NHSL1: variants seen among roughly 807,000 people sequenced by gnomAD.
NHSL1 encodes NHS like 1.
In NHSL1, 48 loss-of-function variants were observed where a neutral mutation model predicts 95.0. The observed-to-expected ratio is 0.51, with a 90% CI of 0.40 to 0.64. The LOEUF (loss-of-function observed/expected upper bound fraction) is 0.64, where lower values mean the gene tolerates loss of function less well. Ranked by LOEUF, NHSL1 falls within the 30% of genes least tolerant of loss-of-function variation. The pLI is 0.00. For missense variants in NHSL1, 1,971 were observed against 2,077.7 expected, an observed-to-expected ratio of 0.95 and a Z score of 1.00; for synonymous variants, 783 against 833.9, an observed-to-expected ratio of 0.94 and a Z score of 1.05.
intron 2 of NHSL1, among the ~76,000 whole-genome samples, chr6:138,490,177 G>C (rs1202246575): frequency 2.0e-5 from 3 of 151,964 alleles, no homozygotes; most frequent in African/African-American, 7.3e-5. Flanking sequence ...CAGAAAAAAA[G>C]ATGAAGAATT....
intron 1 of NHSL1, among the ~76,000 whole-genome samples, chr6:138,646,668 G>A (rs186857366): frequency 8.5e-5 from 13 of 152,188 alleles, no homozygotes; most frequent in African/African-American, 2.9e-4. Flanking sequence ...AGGGGTGAGG[G>A]GTAAACTGAT....
At chr6:138,475,548 G>T (rs1779018051) in intron 2 of NHSL1, among the ~76,000 whole-genome samples, 1 of 152,002 alleles carries the variant, frequency 6.6e-6, no homozygotes. Flanking sequence ...TTTTCAAATG[G>T]TATTTTCTGC....
At chr6:138,448,743 T>C (rs1777028906) in intron 3 of NHSL1, among the ~76,000 whole-genome samples, 1 of 152,196 alleles carries the variant, frequency 6.6e-6, no homozygotes, top group Non-Finnish European at 1.5e-5. Context: ...ATGAGAAATA[T>C]AAAGAAATGC....
At chr6:138,688,651 T>A (rs1385935061) in intron 1 of NHSL1, among the ~76,000 whole-genome samples, 3 of 151,758 alleles carry the variant, frequency 2.0e-5, no homozygotes, top group East Asian at 3.9e-4. Flanking sequence ...TCAAAAAAAT[T>A]AAAATAAAAA....
At chr6:138,470,326 G>T (rs1315094430) in intron 3 of NHSL1, among the ~76,000 whole-genome samples, 1 of 152,164 alleles carries the variant, frequency 6.6e-6, no homozygotes. Flanking sequence ...GTCTCACCCA[G>T]TTGCCCAGGC....
chr6:138,576,199 C>T (rs886959483), upstream of NHSL1, among the ~76,000 whole-genome samples: 5 of 152,008 alleles, frequency 3.3e-5, no homozygotes, highest in African/African-American at 4.8e-5. Context: ...GCCATGTTGG[C>T]CAGTCTGATC....
In NHSL1 at chr6:138,424,383, C is replaced by T. The variant is rs944203486; in HGVS notation, c.4519G>A (p.Ala1507Thr). Residue 1507 changes from alanine to threonine, a missense_variant, in exon 8 of 8, where the codon GCC becomes ACC. By Grantham distance (58) the Ala-to-Thr change is moderately conservative. Coordinates refer to ENST00000343505, the MANE Select transcript of NHSL1 (RefSeq NM_001144060.2). This position sits in a 1 kb window ranked among gnomAD's most constrained non-coding sequence, Gnocchi z 5.9. ...TTCCGCATGCTGTACCTGCTGCTGG[C>T]GGCAGAAGGCGGCGTTCGGCTGCGG... ...YGRSRTPPSA[A>T]SSRYSMRNRI... 1.9e-6 allele frequency: 3 copies of T among 1,549,278 alleles called. No homozygotes were observed. The highest frequency in any genetic ancestry group is 4.9e-5 in the East Asian group (2 of 40,862).
At chr6:138,429,307 T>G (rs966800669) in intron 7 of NHSL1, among the ~76,000 whole-genome samples, 2 of 152,164 alleles carry the variant, frequency 1.3e-5, no homozygotes, top group Non-Finnish European at 2.9e-5. Context: ...CTAAAACATC[T>G]TTAGGAAGAG....
Position 138,609,743 on chromosome 6 carries a change from C to G in NHSL1, c.96+82733G>C, listed in dbSNP as rs1253401708. Among the ~76,000 whole-genome samples the G allele has an allele frequency of 8.6e-5, 6 of 69,390 alleles. 1 individual carries two copies. The Admixed American group carries it at 1.3e-3, about 15-fold the overall frequency. The allele number at this position is 69,390 out of a possible 152,430, so 45.5% of individuals were successfully genotyped here. A position where few individuals can be genotyped will look rare whatever the true frequency, so the allele number is the denominator to read the frequency against. ...CCAGCCTGGGAGACAGAGCAAGACT[C>G]TGTCTCAAAAAAAAAAAAAAAAATA... is the stretch of plus-strand genomic sequence containing the variant. On this transcript the variant is annotated intron_variant, in intron 1 of 3. Coordinates refer to the NHSL1 transcript ENST00000491526.
At position 138,431,087 on chromosome 6, in the gene NHSL1, G is replaced by A. The variant is rs921361785; in HGVS notation, c.3258C>T (p.Gly1086=). Reference sequence around the variant, plus strand: ...GTTCAGACAACTGTGCCGCCTCAGCGCCTGAGTTCTTTCTCACGGGCCTCA... The same window carrying A: ...GTTCAGACAACTGTGCCGCCTCAGCACCTGAGTTCTTTCTCACGGGCCTCA... ...VQLRPVRKNS[G]AEAAQLSERT... Residue 1086 remains glycine (G), a synonymous_variant, in exon 6 of 8, where the codon GGC becomes GGT. Coordinates refer to ENST00000343505, the MANE Select transcript of NHSL1 (RefSeq NM_001144060.2). The surrounding 1 kb of genome is among the most constrained non-coding windows in gnomAD (Gnocchi z 4.0). 5.8e-6 allele frequency: 9 copies of A among 1,551,912 alleles called. No homozygotes were observed. Among genetic ancestry groups the A allele is most frequent in the East Asian group, 2.4e-5 (1 of 40,920 alleles).
intron 1 of NHSL1, among the ~76,000 whole-genome samples, chr6:138,505,691 T>C (rs1303827219): frequency 6.8e-6 from 1 of 146,328 alleles, no homozygotes; most frequent in East Asian, 2.0e-4. Flanking sequence ...AAATATACAA[T>C]CAATGAAGAT....
chr6:138,577,635 G>T (rs1426986970), intron 1 of NHSL1, among the ~76,000 whole-genome samples: 1 of 152,134 alleles, frequency 6.6e-6, no homozygotes, highest in Non-Finnish European at 1.5e-5. Flanking sequence ...AGTGAAGTGT[G>T]CCTCTCATCA....
rs372800688 is a variant in NHSL1, at chr6:138,592,639, C to CA, written c.97-96269dup. On this transcript the variant is annotated intron_variant, in intron 1 of 3. Transcript: ENST00000491526. The stretch of plus-strand genomic sequence containing the variant: ...AACAACAAAAAACAAAAAACAACAA[C>CA]AAAAAAAACCCCTACATATCCAGAA... Among the ~76,000 whole-genome samples, 84 of 129,068 alleles carry CA rather than the reference C, an allele frequency of 6.5e-4. 2 individuals are homozygous for CA. The East Asian group carries it at 0.019, about 29-fold the overall frequency. The allele number at this position is 129,068 out of a possible 152,430, so 84.7% of individuals were successfully genotyped here.
chr6:138,500,886 T>C (rs148490284), upstream of NHSL1, among the ~76,000 whole-genome samples: 114 of 152,384 alleles, frequency 7.5e-4, 1 homozygote, highest in African/African-American at 2.6e-3. Flanking sequence ...TGTTATTTCA[T>C]TTTATATATA....
At chr6:138,561,902 T>C (rs1783425380) in intron 1 of NHSL1, among the ~76,000 whole-genome samples, 1 of 152,208 alleles carries the variant, frequency 6.6e-6, no homozygotes, top group Non-Finnish European at 1.5e-5. Context: ...GCCAGCACAG[T>C]AACGAATTTT....
chr6:138,680,091 C>T (rs1286034016), intron 1 of NHSL1, among the ~76,000 whole-genome samples: 2 of 152,100 alleles, frequency 1.3e-5, no homozygotes, highest in East Asian at 3.9e-4. Context: ...CTTTGTAAGA[C>T]TGAAAACTTG....
intron 1 of NHSL1, among the ~76,000 whole-genome samples, chr6:138,682,824 T>C (rs370944849): frequency 1.3e-5 from 2 of 152,034 alleles, no homozygotes; most frequent in African/African-American, 4.8e-5. Context: ...CTGGGGGTGT[T>C]TTTCACCAAG....
intron 1 of NHSL1, among the ~76,000 whole-genome samples, chr6:138,661,218 C>T (rs908607533): frequency 6.6e-6 from 1 of 152,084 alleles, no homozygotes; most frequent in African/African-American, 2.4e-5. Context: ...TTAGATCCCC[C>T]AGAATGTATT....
chr6:138,447,299 C>A, intron 3 of NHSL1, 106 bp from the exon 4 acceptor site: 2 of 896,894 alleles, frequency 2.2e-6, no homozygotes, highest in East Asian at 2.7e-5. Context: ...TAAAAGAAGC[C>A]AAAATAATTG....
Sources: gnomAD v4.1 joint callset for allele counts (sites outside exome capture counted in the v4.1 genomes callset) on GRCh38, gnomAD v4.1.1 for gene constraint, Gnocchi (gnomAD v3.1) non-coding constraint, MANE v1.5 for transcripts, NCBI Gene and HGNC (gene_info 2026-07-23, HGNC 2026-07-21) for gene names.